The following TNR variants were observed in gnomAD, a reference collection of about 807,000 sequenced individuals.
TNR encodes tenascin R, also known as tenascin-R.
Under a neutral mutation model 150.4 loss-of-function variants are expected in TNR, and 45 were observed. That is an observed-to-expected ratio of 0.30 (90% CI 0.24 to 0.38). The LOEUF is 0.38. Among genes scored for constraint, TNR ranks in the 10% least tolerant of loss-of-function variants. The pLI, the probability that TNR is intolerant of heterozygous loss-of-function variation, is 1.00. For missense variants in TNR, 1,544 were observed against 1,759.1 expected (o/e 0.88, Z 2.19); for synonymous variants, 687 against 678.4 (o/e 1.01, Z -0.20).
At chr1:175,392,605 A>G (rs1214789959) in intron 6 of TNR, among the ~76,000 whole-genome samples, 2 of 152,104 alleles carry the variant, frequency 1.3e-5, no homozygotes, top group Non-Finnish European at 2.9e-5. Context: ...GCCACATTTT[A>G]TTTATCATTT....
At chr1:175,591,036 C>G (rs117198327) in intron 1 of TNR, among the ~76,000 whole-genome samples, 1 of 152,354 alleles carries the variant, frequency 6.6e-6, no homozygotes, top group East Asian at 1.9e-4. Flanking sequence ...AGTCAGATCT[C>G]TGAACTGGGG....
intron 1 of TNR, among the ~76,000 whole-genome samples, chr1:175,606,474 A>T (rs1266938329): frequency 6.6e-6 from 1 of 152,168 alleles, no homozygotes; most frequent in Non-Finnish European, 1.5e-5. Context: ...AAGGATCCTG[A>T]CACTCTAAAT....
intron 1 of TNR, among the ~76,000 whole-genome samples, chr1:175,559,124 AC>A (rs1661310945): frequency 1.3e-5 from 2 of 152,294 alleles, no homozygotes; most frequent in South Asian, 4.2e-4. Context: ...CACTATACAA[AC>A]AAACAAATGA....
chr1:175,613,895 CAG>C (rs1663679730), intron 1 of TNR, among the ~76,000 whole-genome samples: 1 of 152,130 alleles, frequency 6.6e-6, no homozygotes, highest in Non-Finnish European at 1.5e-5. Flanking sequence ...TCCCCTCAAT[CAG>C]AGAGATTTTA....
At chr1:175,583,359 AG>A (rs1662439123) in intron 1 of TNR, among the ~76,000 whole-genome samples, 1 of 152,208 alleles carries the variant, frequency 6.6e-6, no homozygotes, top group African/African-American at 2.4e-5. Context: ...AGCTGGCTAG[AG>A]GAGCCTGTTG....
At chr1:175,722,487 C>T (rs1667333379) in intron 1 of TNR, among the ~76,000 whole-genome samples, 1 of 152,056 alleles carries the variant, frequency 6.6e-6, no homozygotes. Flanking sequence ...TTTTTTAAGA[C>T]AAGACCTCAC....
chr1:175,460,517 A>T (rs904209699), intron 2 of TNR, among the ~76,000 whole-genome samples: 1 of 152,106 alleles, frequency 6.6e-6, no homozygotes, highest in African/African-American at 2.4e-5. Context: ...TAGTAATTGG[A>T]TCATCACATA....
chr1:175,530,274 T>G (rs1245260713), intron 1 of TNR, among the ~76,000 whole-genome samples: 1 of 152,146 alleles, frequency 6.6e-6, no homozygotes, highest in Non-Finnish European at 1.5e-5. Flanking sequence ...GAAGTGGAAC[T>G]GGCCAGAGGG....
At chr1:175,687,744 C>T (rs1666245974) in intron 1 of TNR, among the ~76,000 whole-genome samples, 1 of 152,032 alleles carries the variant, frequency 6.6e-6, no homozygotes, top group African/African-American at 2.4e-5. Context: ...ACATGAGCCA[C>T]AATGTGAGGC....
intron 1 of TNR, among the ~76,000 whole-genome samples, chr1:175,731,079 G>A (rs896582624): frequency 2.0e-5 from 3 of 152,162 alleles, no homozygotes; most frequent in Non-Finnish European, 4.4e-5. Context: ...TGAGAGGCCT[G>A]GTGCCAAAGT....
rs866211619 is a variant in TNR at position 175,329,487 on chromosome 1, A to G, written c.3793+587T>C. ...ATGTGGTTCTTGCGGAGGAATGAAAAGAAACATGGCAAATGAGGAACAGGT... is the reference window on the plus strand; with the variant it reads ...ATGTGGTTCTTGCGGAGGAATGAAAGGAAACATGGCAAATGAGGAACAGGT... On this transcript the variant is annotated intron_variant, in intron 21 of 22. Transcript: ENST00000367674. Among the ~76,000 whole-genome samples, 12 of 152,226 alleles carry G rather than the reference A, an allele frequency of 7.9e-5. No individual in the cohort carries two copies. The South Asian group carries it at 1.0e-3, about 13-fold the overall frequency.
intron 2 of TNR, among the ~76,000 whole-genome samples, chr1:175,525,364 T>C (rs1372893117): frequency 2.0e-5 from 3 of 152,176 alleles, no homozygotes; most frequent in Non-Finnish European, 1.5e-5. Context: ...GGAACAGCCA[T>C]TTGAGCTCTG....
intron 2 of TNR, among the ~76,000 whole-genome samples, chr1:175,453,544 T>C (rs922875667): frequency 6.6e-6 from 1 of 152,030 alleles, no homozygotes; most frequent in African/African-American, 2.4e-5. Context: ...TAAACTTTAA[T>C]TATTTATTTA....
intron 1 of TNR, among the ~76,000 whole-genome samples, chr1:175,587,542 T>C (rs1230167146): frequency 1.3e-5 from 2 of 152,202 alleles, no homozygotes; most frequent in Non-Finnish European, 2.9e-5. Flanking sequence ...TTTTTTCAAA[T>C]TGGCCCAGCA....
rs901644776 is a variant in TNR at position 175,437,135 on chromosome 1, T to C, written c.-63-30358A>G. On this transcript the variant is annotated intron_variant, in intron 2 of 22. Transcript: ENST00000367674. ...TGACCACATAGTTGGAAGTAAAGCA[T>C]TCCTCAGCAAATGTAAAAGAACAGA... Among the ~76,000 whole-genome samples the C allele has an allele frequency of 4.9e-4, 74 of 152,184 alleles. 3 individuals carry two copies. Among genetic ancestry groups the C allele is most frequent in the African/African-American group, 1.6e-3 (68 of 41,546 alleles).
intron 2 of TNR, among the ~76,000 whole-genome samples, chr1:175,468,972 G>A (rs888073213): frequency 5.9e-5 from 9 of 152,148 alleles, no homozygotes; most frequent in African/African-American, 2.4e-5. Flanking sequence ...GGAGGGGAGG[G>A]CAGACTTGAG....
intron 2 of TNR, among the ~76,000 whole-genome samples, chr1:175,490,967 C>T (rs1192292339): frequency 6.6e-6 from 1 of 152,126 alleles, no homozygotes; most frequent in Non-Finnish European, 1.5e-5. Context: ...ATATAATTAA[C>T]CTAAATGCCC....
chr1:175,685,892 G>C (rs772860568), intron 1 of TNR, among the ~76,000 whole-genome samples: 1 of 150,080 alleles, frequency 6.7e-6, no homozygotes, highest in African/African-American at 2.5e-5. Flanking sequence ...TGGTTCTCAT[G>C]TGTTGCTCAG....
chr1:175,568,755 AC>A (rs1468114387), intron 1 of TNR, among the ~76,000 whole-genome samples: 1 of 151,976 alleles, frequency 6.6e-6, no homozygotes, highest in Non-Finnish European at 1.5e-5. Context: ...GTTCACAGGA[AC>A]CCTCCTCTTA....
Sources: gnomAD v4.1 joint callset for allele counts (sites outside exome capture counted in the v4.1 genomes callset) on GRCh38, gnomAD v4.1.1 for gene constraint, MANE v1.5 for transcripts, NCBI Gene and HGNC (gene_info 2026-07-23, HGNC 2026-07-21) for gene names.